FOXK2: variants seen among roughly 807,000 people sequenced by gnomAD.
FOXK2 encodes forkhead box K2, also known as forkhead box protein K2.
In FOXK2, 24 loss-of-function variants were observed where a neutral mutation model predicts 53.3. That is an observed-to-expected ratio of 0.45 (90% CI 0.33 to 0.63). The LOEUF is 0.63. Ranked by LOEUF, FOXK2 falls within the 30% of genes least tolerant of loss-of-function variation. The pLI is 0.03. For synonymous variants in FOXK2, 505 were observed against 407.1 expected (o/e 1.24, Z -2.89); for missense variants, 952 against 910.5 (o/e 1.05, Z -0.59).
chr17:82,548,010 C>T (rs973429545), intron 1 of FOXK2, among the ~76,000 whole-genome samples: 1 of 152,218 alleles, frequency 6.6e-6, no homozygotes. Context: ...GATGTACCCC[C>T]ATTTGTGGAT....
At chr17:82,550,112 T>C (rs530093874) in intron 1 of FOXK2, among the ~76,000 whole-genome samples, 39 of 152,202 alleles carry the variant, frequency 2.6e-4, no homozygotes, top group Admixed American at 7.2e-4. Context: ...GGCGGGAGGA[T>C]TGCTTCAGCC....
chr17:82,564,400 GT>G (rs958908676), intron 2 of FOXK2, among the ~76,000 whole-genome samples: 11 of 47,810 alleles, frequency 2.3e-4, no homozygotes, highest in Non-Finnish European at 4.7e-4. Flanking sequence ...TTGTTTGTTT[GT>G]TTTGTTTTTT....
chr17:82,554,313 A>C (rs944558010), intron 1 of FOXK2, among the ~76,000 whole-genome samples: 9 of 152,218 alleles, frequency 5.9e-5, no homozygotes, highest in African/African-American at 2.2e-4. Flanking sequence ...CTTGCAACAA[A>C]GTCTGGCTTT....
chr17:82,568,642 C>T (rs568262400), intron 3 of FOXK2, among the ~76,000 whole-genome samples: 41 of 152,344 alleles, frequency 2.7e-4, no homozygotes, highest in African/African-American at 9.1e-4. Flanking sequence ...TGACCTGGCA[C>T]GTTTGTATTC....
chr17:82,592,777 G>A (rs1325973948), intron 8 of FOXK2, among the ~76,000 whole-genome samples: 2 of 152,254 alleles, frequency 1.3e-5, no homozygotes, highest in Admixed American at 6.5e-5. Context: ...GAGGGCGCAC[G>A]CTTCGCAGTG....
Position 82,586,986 on chromosome 17 carries a change from T to G in FOXK2, c.1577-77T>G, listed in dbSNP as rs185060731. ...TCTAGCAGGTGTGATAGCTATCTGG[T>G]TATTATGTTTTAAACTGGCAAGATT... On this transcript the variant is annotated intron_variant, in intron 7 of 8. Transcript: ENST00000335255. The G allele has an allele frequency of 7.6e-4, 1,018 of 1,334,852 alleles. 1 individual carries two copies. The highest frequency in any genetic ancestry group is 2.1e-3 in the South Asian group (181 of 84,970). 82.7% of individuals were successfully genotyped at this position (1,334,852 alleles called of 1,614,324 possible). A position where few individuals can be genotyped will look rare whatever the true frequency, so the allele number is the denominator to read the frequency against.
At chr17:82,574,151 T>C (rs972899349) in intron 4 of FOXK2, among the ~76,000 whole-genome samples, 1 of 152,248 alleles carries the variant, frequency 6.6e-6, no homozygotes, top group African/African-American at 2.4e-5. Flanking sequence ...CTTGTTTCTG[T>C]TGAAACATTT....
chr17:82,531,950 C>T lies in FOXK2; in HGVS notation c.419+11643C>T, dbSNP rs372026794. 1.8e-4 allele frequency among the ~76,000 whole-genome samples: 28 copies of T among 152,054 alleles called. No individual in the cohort carries two copies. In the East Asian group the frequency reaches 4.0e-3, roughly 22 times the overall value. On this transcript the variant is annotated intron_variant, in intron 1 of 8. Transcript: ENST00000335255. ...CTGCCTCCCAGGTTCAAGCAGTTCT[C>T]CTGCCTCAGCTTCCCGAGTAGCTGG...
At chr17:82,586,342 TCAAA>T (rs2045155834) in intron 7 of FOXK2, 142 bp downstream of exon 7, 1 of 342,762 alleles carries the variant, frequency 2.9e-6, no homozygotes, top group Non-Finnish European at 4.6e-6. Flanking sequence ...CACAGGGAGG[TCAAA>T]GGTAGGCGGA....
chr17:82,594,783 C>G (rs1006834284), intron 8 of FOXK2, among the ~76,000 whole-genome samples: 9 of 152,204 alleles, frequency 5.9e-5, no homozygotes, highest in African/African-American at 1.9e-4. Flanking sequence ...CCGTGGCTCA[C>G]GCCTGCAATC....
Position 82,582,823 on chromosome 17 carries a change from T to C in FOXK2, c.992T>C (p.Phe331Ser). ...CAGGAAGAACCAGGCAAAGGCTCGT[T>C]CTGGAGGATAGACCCAGCCTCTGAA... is the stretch of plus-strand genomic sequence containing the variant. Reference protein sequence around the residue: ...RSQEEPGKGSFWRIDPASESK... With the variant: ...RSQEEPGKGSSWRIDPASESK... Residue 331 changes from phenylalanine (F) to serine (S), a missense_variant, in exon 5 of 9, where the codon TTC becomes TCC. Transcript: ENST00000335255. 1 of 1,613,338 alleles carries C rather than the reference T, an allele frequency of 6.2e-7. No homozygotes were observed. Among genetic ancestry groups the C allele is most frequent in the Middle Eastern group, 1.6e-4 (1 of 6,062 alleles).
chr17:82,577,449 G>A (rs914546336), intron 4 of FOXK2: 21 of 366,486 alleles, frequency 5.7e-5, no homozygotes, highest in Non-Finnish European at 1.0e-4. Context: ...CATGCAGGGC[G>A]TGGCGGGCGG....
chr17:82,537,890 C>G (rs1029067100), intron 1 of FOXK2, among the ~76,000 whole-genome samples: 2 of 150,010 alleles, frequency 1.3e-5, no homozygotes, highest in Admixed American at 6.7e-5. Flanking sequence ...CCACTGCACT[C>G]CAGCCTGGCA....
chr17:82,541,425 A>G (rs757706340), intron 1 of FOXK2, among the ~76,000 whole-genome samples: 1 of 151,840 alleles, frequency 6.6e-6, no homozygotes, highest in Non-Finnish European at 1.5e-5. Context: ...GGCGCCCGCC[A>G]TCACGCCCGG....
chr17:82,586,797 A>C (rs1184226479), intron 7 of FOXK2, among the ~76,000 whole-genome samples: 1 of 152,050 alleles, frequency 6.6e-6, no homozygotes, highest in Non-Finnish European at 1.5e-5. Context: ...GCTACTCGGG[A>C]GGCTGAGGCG....
rs563913789 is a variant in FOXK2 at position 82,584,502 on chromosome 17, A to G, written c.1279+314A>G. ...CCCGCAAAAAAATCAAAACAAAACA[A>G]AAACCCATGAAGTAGACAAACTAGA... On this transcript the variant is annotated intron_variant, in intron 6 of 8. Transcript: ENST00000335255. Among the ~76,000 whole-genome samples the G allele has an allele frequency of 2.1e-5, 3 of 145,506 alleles. No individual in the cohort carries two copies. In the East Asian group the frequency reaches 6.6e-4, roughly 32 times the overall value.
intron 1 of FOXK2, among the ~76,000 whole-genome samples, chr17:82,554,110 G>A (rs999005959): frequency 2.6e-5 from 4 of 152,218 alleles, no homozygotes; most frequent in Non-Finnish European, 4.4e-5. Flanking sequence ...GGGATTACAG[G>A]CGTGAGCCAC....
At chr17:82,581,637 C>A (rs1320560314) in intron 4 of FOXK2, among the ~76,000 whole-genome samples, 1 of 152,082 alleles carries the variant, frequency 6.6e-6, no homozygotes, top group African/African-American at 2.4e-5. Flanking sequence ...CACTACGCCC[C>A]GCTAATTTTT....
chr17:82,597,208 C>T (rs1411445726), intron 8 of FOXK2, among the ~76,000 whole-genome samples: 1 of 152,218 alleles, frequency 6.6e-6, no homozygotes, highest in South Asian at 2.1e-4. Flanking sequence ...GTCCTCGGTG[C>T]AAACCAGAGT....
Sources: allele counts gnomAD v4.1 joint callset (sites outside exome capture counted in the v4.1 genomes callset), GRCh38; gene constraint gnomAD v4.1.1; transcripts MANE v1.5; gene names NCBI Gene and HGNC (gene_info 2026-07-23, HGNC 2026-07-21).